TANGO2: variants seen among roughly 807,000 people sequenced by gnomAD.
TANGO2 encodes the protein transport and Golgi organization protein 2 homolog.
In TANGO2, 26 loss-of-function variants were observed where a neutral mutation model predicts 39.1. The observed-to-expected ratio is 0.67, with a 90% CI of 0.49 to 0.92. The LOEUF (loss-of-function observed/expected upper bound fraction) is 0.92. TANGO2 is among the 40% of genes least tolerant of loss of function. TANGO2 has a pLI of 0.00. For synonymous variants in TANGO2, 131 were observed against 144.5 expected (o/e 0.91, Z 0.67); for missense variants, 326 against 360.1 (o/e 0.91, Z 0.77).
At chr22:20,055,627 C>T in intron 5 of TANGO2, 1 of 453,006 alleles carries the variant, frequency 2.2e-6, no homozygotes. Flanking sequence ...TGCAGTTGTC[C>T]CCATGGGCAG....
At chr22:20,059,292 G>C (rs978561525) in intron 6 of TANGO2, among the ~76,000 whole-genome samples, 1 of 152,198 alleles carries the variant, frequency 6.6e-6, no homozygotes. Context: ...TCCATTAATG[G>C]ACACTTGAGT....
chr22:20,059,623 C>T (rs1191596636), intron 6 of TANGO2, among the ~76,000 whole-genome samples: 1 of 151,964 alleles, frequency 6.6e-6, no homozygotes, highest in Non-Finnish European at 1.5e-5. Context: ...TTGCGTTTCT[C>T]TGATGGCTAT....
chr22:20,064,689 C>T lies in TANGO2; in HGVS notation c.*27C>T. ...CCCACCTCTGGGCCTGGCCAGTGGG[C>T]TCCTGGGGGGCCCTGCCTTGAGGGG... is the stretch of plus-strand genomic sequence containing the variant. On this transcript the variant is annotated 3_prime_UTR_variant, in exon 9 of 9. Transcript: ENST00000327374. 6.2e-7 allele frequency: 1 copy of T among 1,612,672 alleles called. No homozygotes were observed. The highest frequency in any genetic ancestry group is 8.5e-7 in the Non-Finnish European group (1 of 1,179,292).
intron 1 of TANGO2, among the ~76,000 whole-genome samples, chr22:20,023,712 G>A (rs765398623): frequency 4.0e-5 from 6 of 151,830 alleles, no homozygotes; most frequent in Admixed American, 6.6e-5. Flanking sequence ...AAAATTAGCC[G>A]GACGTGGTGG....
chr22:20,061,436 C>T, intron 6 of TANGO2, 94 bp from the exon 7 acceptor site: 2 of 1,422,936 alleles, frequency 1.4e-6, no homozygotes, highest in Non-Finnish European at 9.4e-7. Context: ...TCATGGTCCC[C>T]AGCTGTACCC....
rs2049197990 is a variant in TANGO2, at chr22:20,066,415, C to G, written c.*1753C>G. On this transcript the variant is annotated 3_prime_UTR_variant, in exon 9 of 9. Coordinates refer to ENST00000327374, the MANE Select transcript of TANGO2 (RefSeq NM_152906.7). ...CCTCTGCACCCAACCCCTAACTTGG[C>G]CTTTTCAGACCCATGAGAGTGCAGG... The G allele has an allele frequency of 6.6e-6, 1 of 152,300 alleles. No individual in the cohort carries two copies. Among genetic ancestry groups the G allele is most frequent in the Non-Finnish European group, 1.5e-5 (1 of 68,118 alleles). The allele number at this position is 152,300 out of a possible 1,614,324, so 9.4% of individuals were successfully genotyped here. A position where few individuals can be genotyped will look rare whatever the true frequency, so the allele number is the denominator to read the frequency against.
rs2048741506 is a variant in TANGO2, at chr22:20,063,394, T to G, written c.662T>G (p.Leu221Arg). 2 of 1,613,444 alleles carry G rather than the reference T, an allele frequency of 1.2e-6. No homozygotes were observed. The highest frequency in any genetic ancestry group is 2.7e-5 in the African/African-American group (2 of 74,932). ...DQGGEYVQPM[L>R]SKYAAVCVRC... is the part of the protein sequence containing the mutation. The stretch of plus-strand genomic sequence containing the variant: ...GGTGGGGAGTACGTGCAGCCCATGC[T>G]GAGCAAGTACGCGGCTGTGTGCGTG... The change falls in exon 8 of 9, where the codon CTG (leucine) becomes CGG (arginine). Residue 221 changes from leucine (L) to arginine (R), a missense_variant. Physicochemically the swap from Leu to Arg is moderately radical, Grantham distance 102 (BLOSUM62 -2). Transcript: ENST00000327374.
At chr22:20,021,334 A>G (rs1222959204) in intron 1 of TANGO2, 88 bp downstream of exon 1, 3 of 152,258 alleles carry the variant, frequency 2.0e-5, no homozygotes, top group Admixed American at 6.5e-5. Flanking sequence ...GTCAGGGGCA[A>G]CCACGTCGAT....
chr22:20,029,858 C>T (rs961606708), intron 1 of TANGO2, among the ~76,000 whole-genome samples: 2 of 152,182 alleles, frequency 1.3e-5, no homozygotes, highest in Non-Finnish European at 2.9e-5. Flanking sequence ...GGTGCCTGGC[C>T]CAACTGGAGA....
Position 20,036,766 on chromosome 22 carries a change from C to T in TANGO2, c.-33C>T, listed in dbSNP as rs1375850898. On this transcript the variant is annotated 5_prime_UTR_variant, in exon 2 of 9. Coordinates refer to ENST00000327374, the MANE Select transcript of TANGO2 (RefSeq NM_152906.7). ...TGTTTTCCTTTTCCCGCAGACCTCG[C>T]GACCTGTGTCAGCAGAGCCGCCCTG... The T allele has an allele frequency of 1.3e-5, 21 of 1,613,946 alleles. No individual in the cohort carries two copies. Among genetic ancestry groups the T allele is most frequent in the South Asian group, 8.8e-5 (8 of 91,090 alleles).
chr22:20,056,553 C>G (rs1569323493), intron 6 of TANGO2: 2 of 456,738 alleles, frequency 4.4e-6, no homozygotes, highest in Non-Finnish European at 4.4e-6. Flanking sequence ...TGCACCACTG[C>G]CCAGGCTGTG....
At chr22:20,060,580 G>A (rs533362485) in intron 6 of TANGO2, among the ~76,000 whole-genome samples, 1 of 152,234 alleles carries the variant, frequency 6.6e-6, no homozygotes, top group South Asian at 2.1e-4. Context: ...TAACTTTTGT[G>A]TATGGTGTCA....
At chr22:20,055,533 G>T (rs1487242659) in intron 5 of TANGO2, 1 of 280,098 alleles carries the variant, frequency 3.6e-6, no homozygotes, top group African/African-American at 2.2e-5. Context: ...CCACACTGGG[G>T]CCACCTGTCC....
chr22:20,061,825 C>T lies in TANGO2; in HGVS notation c.605+142C>T, dbSNP rs1341697785. 3.8e-6 allele frequency: 4 copies of T among 1,057,302 alleles called. No individual in the cohort carries two copies. The East Asian group carries it at 1.1e-4, about 29-fold the overall frequency. The allele number at this position is 1,057,302 out of a possible 1,614,324, so 65.5% of individuals were successfully genotyped here. A position where few individuals can be genotyped will look rare whatever the true frequency, so the allele number is the denominator to read the frequency against. On this transcript the variant is annotated intron_variant, in intron 7 of 8. Coordinates refer to ENST00000327374, the MANE Select transcript of TANGO2 (RefSeq NM_152906.7). ...GCAGGGAAGCTGATGGATATCCTGT[C>T]CTCCCTGCCTGTCCCCTTGAGCCAG...
intron 7 of TANGO2, among the ~76,000 whole-genome samples, chr22:20,062,660 G>A (rs565354373): frequency 3.3e-5 from 5 of 152,358 alleles, no homozygotes; most frequent in African/African-American, 9.6e-5. Flanking sequence ...CTGGAGCCCC[G>A]ATGCTAGCTA....
intron 6 of TANGO2, among the ~76,000 whole-genome samples, chr22:20,060,940 T>C (rs555884031): frequency 6.6e-6 from 1 of 152,286 alleles, no homozygotes; most frequent in South Asian, 2.1e-4. Flanking sequence ...CTTTTCCTGT[T>C]GGCCATGCCT....
At chr22:20,047,883 G>C (rs890228506) in intron 3 of TANGO2, 1 of 151,520 alleles carries the variant, frequency 6.6e-6, no homozygotes, top group African/African-American at 2.4e-5. Flanking sequence ...CCCCCATGCT[G>C]CTATTCTCAT....
intron 1 of TANGO2, among the ~76,000 whole-genome samples, chr22:20,026,397 CAA>C (rs34580239): frequency 2.1e-3 from 289 of 137,758 alleles, no homozygotes; most frequent in Non-Finnish European, 1.9e-3. Context: ...GACTTCGTCT[CAA>C]AAAAAAAAAA....
rs189301510 is a variant in TANGO2 at position 20,033,066 on chromosome 22, C to T, written c.-39-3694C>T. ...AGGTCACAGGTCGGGGGAGGTGAAG[C>T]TGGCAGGGGGAGGGGGAGACCTGCT... On this transcript the variant is annotated intron_variant, in intron 1 of 8. Transcript: ENST00000327374. 1,186 of 410,064 alleles carry T rather than the reference C, an allele frequency of 2.9e-3. 4 individuals carry two copies. The highest frequency in any genetic ancestry group is 4.4e-3 in the Admixed American group (143 of 32,508). The allele number at this position is 410,064 out of a possible 1,614,324, so 25.4% of individuals were successfully genotyped here.
Sources: gnomAD v4.1 joint callset for allele counts (sites outside exome capture counted in the v4.1 genomes callset) on GRCh38, gnomAD v4.1.1 for gene constraint, MANE v1.5 for transcripts, NCBI Gene and HGNC (gene_info 2026-07-23, HGNC 2026-07-21) for gene names.